The following OTUD7A variants were observed in gnomAD, a reference collection of about 807,000 sequenced individuals.
OTUD7A encodes OTU deubiquitinase 7A, also known as OTU domain-containing protein 7A.
OTUD7A carries 12 observed loss-of-function variants against 65.7 expected under a neutral mutation model. The ratio of observed to expected loss-of-function variants is 0.18; its 90% CI spans 0.12 to 0.30. The LOEUF is 0.30. Ranked by LOEUF, OTUD7A falls within the 10% of genes least tolerant of loss-of-function variation. OTUD7A has a pLI of 1.00. For synonymous variants in OTUD7A, 641 were observed against 586.3 expected, an observed-to-expected ratio of 1.09 and a Z score of -1.35; for missense variants, 1,148 against 1,304.8, an observed-to-expected ratio of 0.88 and a Z score of 1.85.
chr15:31,613,160 A>G (rs926262265), intron 3 of OTUD7A, among the ~76,000 whole-genome samples: 16 of 152,352 alleles, frequency 1.1e-4, no homozygotes, highest in Admixed American at 4.6e-4. Flanking sequence ...GGGATTAATG[A>G]CTTATATATA....
intron 1 of OTUD7A, among the ~76,000 whole-genome samples, chr15:31,851,255 C>A (rs1897417288): frequency 6.6e-6 from 1 of 152,004 alleles, no homozygotes; most frequent in Non-Finnish European, 1.5e-5. Context: ...GGGAATTATC[C>A]AGAATGTACC....
At chr15:31,571,375 A>AT (rs1889049198) in intron 3 of OTUD7A, among the ~76,000 whole-genome samples, 1 of 152,342 alleles carries the variant, frequency 6.6e-6, no homozygotes, top group Admixed American at 6.5e-5. Context: ...GCAGAGGCCC[A>AT]TGGTGAAACC....
intron 10 of OTUD7A, 139 bp downstream of exon 10, chr15:31,501,551 A>G: frequency 9.4e-7 from 1 of 1,062,168 alleles, no homozygotes; most frequent in Non-Finnish European, 1.4e-6. Context: ...TTATGCAAAA[A>G]CTGTCACTGC....
chr15:31,649,751 A>G (rs1891780144), intron 3 of OTUD7A: 1 of 445,514 alleles, frequency 2.2e-6, no homozygotes, highest in African/African-American at 2.0e-5. Context: ...CCTCTGTCCC[A>G]CTGGGTGCAG....
chr15:31,555,873 G>GTT, intron 5 of OTUD7A: 1 of 40,192 alleles, frequency 2.5e-5, no homozygotes, highest in Middle Eastern at 9.1e-3. Context: ...TTGAGACAGG[G>GTT]TTTTGTTACC....
intron 10 of OTUD7A, among the ~76,000 whole-genome samples, chr15:31,490,724 C>T (rs1426232430): frequency 6.6e-6 from 1 of 152,200 alleles, no homozygotes; most frequent in Admixed American, 6.5e-5. Context: ...TCACATGCAC[C>T]TGCAGGCTCC....
rs972729872 is a variant in OTUD7A, at chr15:31,479,716, C to T, written c.*3578G>A. 6.7e-6 allele frequency: 1 copy of T among 150,316 alleles called. No individual in the cohort carries two copies. The highest frequency in any genetic ancestry group is 2.5e-5 in the African/African-American group (1 of 40,342). The allele number at this position is 150,316 out of a possible 1,614,324, so 9.3% of individuals were successfully genotyped here. ...CTCCCCAGAGACAGGGCGGGCTCTG[C>T]ATGGAGGATGTCCACACCCTGAGGT... On this transcript the variant is annotated 3_prime_UTR_variant, in exon 13 of 13. Coordinates refer to ENST00000307050, the MANE Select transcript of OTUD7A (RefSeq NM_001382637.1).
At chr15:31,503,925 T>G (rs1566887209) in intron 8 of OTUD7A, 107 bp from the exon 9 acceptor site, 1 of 1,355,050 alleles carries the variant, frequency 7.4e-7, no homozygotes. Flanking sequence ...CTCTGGATAT[T>G]ATCTTCATGG....
chr15:31,608,172 G>A (rs1044746410), intron 3 of OTUD7A, among the ~76,000 whole-genome samples: 2 of 152,216 alleles, frequency 1.3e-5, no homozygotes, highest in African/African-American at 2.4e-5. Context: ...GCTTGAACCC[G>A]GGAGACGGAG....
At chr15:31,666,716 T>C (rs1241174278) in intron 1 of OTUD7A, among the ~76,000 whole-genome samples, 1 of 152,210 alleles carries the variant, frequency 6.6e-6, no homozygotes, top group Non-Finnish European at 1.5e-5. Context: ...CCTTGAGGTG[T>C]GACTTTAGAA....
At position 31,483,482 on chromosome 15, in the gene OTUD7A, C is replaced by A; in HGVS notation, c.2614G>T (p.Ala872Ser). The A allele has an allele frequency of 7.2e-7, 1 of 1,392,742 alleles. No homozygotes were observed. The highest frequency in any genetic ancestry group is 1.4e-5 in the South Asian group (1 of 71,338). 86.3% of individuals were successfully genotyped at this position (1,392,742 alleles called of 1,614,324 possible). A position where few individuals can be genotyped will look rare whatever the true frequency, so the allele number is the denominator to read the frequency against. Residue 872 changes from alanine (A) to serine (S), a missense_variant, in exon 13 of 13, where the codon GCC (alanine) becomes TCC (serine). By Grantham distance (99) the Ala-to-Ser change is moderately conservative. This residue lies in a region of OTUD7A where 842 missense variants were observed against 769.5 expected (regional missense o/e 1.09). Coordinates refer to ENST00000307050, the MANE Select transcript of OTUD7A (RefSeq NM_001382637.1). ...FGALRDGLEF[A>S]DADAPTARSN... ...CGCGCGGTCGGCGCGTCGGCGTCGG[C>A]GAACTCCAGGCCGTCGCGCAGGGCG...
At chr15:31,701,116 C>T (rs1320705464) in intron 1 of OTUD7A, among the ~76,000 whole-genome samples, 4 of 152,250 alleles carry the variant, frequency 2.6e-5, no homozygotes, top group Admixed American at 1.3e-4. Context: ...CAGGAACTGT[C>T]GCAGATTAAA....
intron 1 of OTUD7A, among the ~76,000 whole-genome samples, chr15:31,824,447 G>A (rs1345442973): frequency 1.3e-5 from 2 of 152,162 alleles, no homozygotes; most frequent in Admixed American, 1.3e-4. Context: ...TGAAAGGAAA[G>A]GAAAGACAAG....
intron 1 of OTUD7A, among the ~76,000 whole-genome samples, chr15:31,816,461 C>T (rs1436184332): frequency 2.6e-5 from 4 of 151,944 alleles, no homozygotes; most frequent in East Asian, 1.9e-4. Flanking sequence ...GAGGCTGAGG[C>T]GGGCAGATCA....
At chr15:31,643,067 CA>C (rs1172479015) in intron 3 of OTUD7A, among the ~76,000 whole-genome samples, 1 of 151,958 alleles carries the variant, frequency 6.6e-6, no homozygotes, top group Non-Finnish European at 1.5e-5. Context: ...TCCTATTGTT[CA>C]TGCCTCTCCT....
chr15:31,807,046 T>C (rs554236104), intron 1 of OTUD7A, among the ~76,000 whole-genome samples: 1 of 152,370 alleles, frequency 6.6e-6, no homozygotes, highest in African/African-American at 2.4e-5. Flanking sequence ...CTGGAGATGT[T>C]GTAAGCCTCT....
intron 1 of OTUD7A, among the ~76,000 whole-genome samples, chr15:31,697,882 C>T (rs1216099434): frequency 6.6e-6 from 1 of 152,206 alleles, no homozygotes; most frequent in African/African-American, 2.4e-5. Flanking sequence ...TTTATCCCAG[C>T]TTGAAGACAC....
intron 3 of OTUD7A, among the ~76,000 whole-genome samples, chr15:31,610,236 C>T (rs1890360747): frequency 6.6e-6 from 1 of 152,024 alleles, no homozygotes; most frequent in Non-Finnish European, 1.5e-5. Flanking sequence ...TGCTAAAAAG[C>T]CTTGTCCTGG....
rs200220584 is a variant in OTUD7A at position 31,487,588 on chromosome 15, C to T, written c.1172-22G>A. 5.9e-5 allele frequency: 94 copies of T among 1,599,052 alleles called. No individual in the cohort carries two copies. The highest frequency in any genetic ancestry group is 5.5e-4 in the South Asian group (49 of 89,620). On this transcript the variant is annotated intron_variant, in intron 10 of 12. Transcript: ENST00000307050. The surrounding 1 kb of genome is among the most constrained non-coding windows in gnomAD (Gnocchi z 6.0). The stretch of plus-strand genomic sequence containing the variant: ...ACGGCTGGAACAGAAGAGACAGAGC[C>T]GTGCTTGGAGCCCCGGCAGTCCCCA...
Sources: gnomAD v4.1 joint callset for allele counts (sites outside exome capture counted in the v4.1 genomes callset) on GRCh38, gnomAD v4.1.1 for gene constraint, gnomAD v4.1.1 regional missense constraint, Gnocchi (gnomAD v3.1) non-coding constraint, MANE v1.5 for transcripts, NCBI Gene and HGNC (gene_info 2026-07-23, HGNC 2026-07-21) for gene names.